The following CLASP1 variants were observed in gnomAD, a reference collection of about 807,000 sequenced individuals.
CLASP1 encodes the protein CLIP-associating protein 1.
CLASP1 carries 38 observed loss-of-function variants against 192.3 expected under a neutral mutation model. That is an observed-to-expected ratio of 0.20 (90% CI 0.15 to 0.26). The LOEUF (loss-of-function observed/expected upper bound fraction) is 0.26. Among genes scored for constraint, CLASP1 ranks in the 10% least tolerant of loss-of-function variants. The pLI, the probability that CLASP1 is intolerant of heterozygous loss-of-function variation, is 1.00. For synonymous variants in CLASP1, 691 were observed against 712.8 expected (o/e 0.97, Z 0.49); for missense variants, 1,433 against 1,932.5 (o/e 0.74, Z 4.85).
chr2:121,496,502 G>A (rs895166129), intron 8 of CLASP1, among the ~76,000 whole-genome samples: 1 of 152,142 alleles, frequency 6.6e-6, no homozygotes, highest in Non-Finnish European at 1.5e-5. Flanking sequence ...AAAAAGCAGA[G>A]AGAAAAAGAA....
intron 1 of CLASP1, among the ~76,000 whole-genome samples, chr2:121,616,925 A>G (rs1353290803): frequency 6.6e-6 from 1 of 152,236 alleles, no homozygotes; most frequent in Non-Finnish European, 1.5e-5. Flanking sequence ...TGCCTGAAAG[A>G]AGAAAGAGAC....
chr2:121,540,914 C>T (rs780363084), intron 2 of CLASP1, among the ~76,000 whole-genome samples: 10 of 152,036 alleles, frequency 6.6e-5, no homozygotes, highest in Non-Finnish European at 1.3e-4. Flanking sequence ...GTCCTGGTGG[C>T]GATGTCCTAA....
At chr2:121,604,362 C>T (rs6736113) in intron 2 of CLASP1, among the ~76,000 whole-genome samples, 29,196 of 152,120 alleles carry the variant, frequency 0.19, 5,050 homozygotes, top group African/African-American at 0.46. Context: ...AGAATTTTAG[C>T]CAGAGTTTAA....
At chr2:121,579,256 G>C (rs1356197149) in intron 2 of CLASP1, among the ~76,000 whole-genome samples, 1 of 152,156 alleles carries the variant, frequency 6.6e-6, no homozygotes, top group Non-Finnish European at 1.5e-5. Flanking sequence ...GGATCTGAAG[G>C]AGCTTTCTCA....
At chr2:121,427,071 A>G (rs1280686008) in intron 21 of CLASP1, among the ~76,000 whole-genome samples, 1 of 151,912 alleles carries the variant, frequency 6.6e-6, no homozygotes, top group Non-Finnish European at 1.5e-5. Context: ...CCATCATTCA[A>G]ATGAACCACG....
chr2:121,362,846 G>A (rs2066676514), intron 37 of CLASP1, among the ~76,000 whole-genome samples: 2 of 152,208 alleles, frequency 1.3e-5, no homozygotes, highest in Admixed American at 6.5e-5. Flanking sequence ...GACTACCAGA[G>A]GCTAAATGCC....
rs371200213 is a variant in CLASP1, at chr2:121,520,753, T to A, written c.547-4991A>T. ...TTTTCTTATCTAGTCAAGGGAATTC[T>A]TATTGTTAGGATGCCTCGGACCACT... On this transcript the variant is annotated intron_variant, in intron 6 of 39. Coordinates refer to ENST00000263710, the Ensembl canonical transcript of CLASP1. 4.0e-4 allele frequency among the ~76,000 whole-genome samples: 61 copies of A among 152,326 alleles called. 1 individual carries two copies. The South Asian group carries it at 0.012, about 30-fold the overall frequency.
intron 33 of CLASP1, among the ~76,000 whole-genome samples, chr2:121,381,964 G>A (rs1388217128): frequency 2.6e-5 from 4 of 152,110 alleles, no homozygotes; most frequent in South Asian, 2.1e-4. Context: ...AATAGGTGGT[G>A]ATGAATCTGA....
chr2:121,537,961 T>A (rs905755352), intron 2 of CLASP1, among the ~76,000 whole-genome samples: 4 of 152,204 alleles, frequency 2.6e-5, no homozygotes, highest in Non-Finnish European at 2.9e-5. Context: ...CTTAACTTCA[T>A]AAAGGATATA....
intron 6 of CLASP1, among the ~76,000 whole-genome samples, chr2:121,523,653 G>A (rs1175417578): frequency 2.0e-5 from 3 of 152,220 alleles, no homozygotes; most frequent in African/African-American, 7.2e-5. Flanking sequence ...TCTACACCGA[G>A]TCCATGATCT....
At chr2:121,381,934 T>C (rs898055861) in intron 33 of CLASP1, among the ~76,000 whole-genome samples, 1 of 152,170 alleles carries the variant, frequency 6.6e-6, no homozygotes, top group Non-Finnish European at 1.5e-5. Context: ...AGCACTGCAC[T>C]GTACAGAAAG....
At chr2:121,455,679 A>G (rs192423720) in intron 14 of CLASP1, among the ~76,000 whole-genome samples, 1 of 152,254 alleles carries the variant, frequency 6.6e-6, no homozygotes, top group Admixed American at 6.5e-5. Flanking sequence ...GGGCAACATG[A>G]TAAGACCTTA....
intron 2 of CLASP1, among the ~76,000 whole-genome samples, chr2:121,551,272 TC>T (rs1161149932): frequency 6.6e-6 from 1 of 152,000 alleles, no homozygotes; most frequent in Non-Finnish European, 1.5e-5. Context: ...CTAGAAGCAT[TC>T]CCCTTGAAAA....
chr2:121,511,481 G>A (rs1027938574), intron 7 of CLASP1, among the ~76,000 whole-genome samples: 3 of 151,918 alleles, frequency 2.0e-5, no homozygotes, highest in Non-Finnish European at 2.9e-5. Context: ...CCAGCTACTC[G>A]GGAGGCTGAG....
intron 6 of CLASP1, 87 bp downstream of exon 6, chr2:121,525,758 T>C: frequency 1.2e-6 from 1 of 851,532 alleles, no homozygotes; most frequent in Non-Finnish European, 2.0e-6. Flanking sequence ...AGATTAGGAC[T>C]CCAGTCCCAC....
intron 1 of CLASP1, among the ~76,000 whole-genome samples, chr2:121,621,196 C>T (rs554423229): frequency 6.6e-6 from 1 of 151,978 alleles, no homozygotes; most frequent in Non-Finnish European, 1.5e-5. Context: ...ACCCCAGCCT[C>T]AGCGACAGAG....
At chr2:121,367,818 C>A in exon 35 of CLASP1, 1 of 1,613,350 alleles carries the variant, frequency 6.2e-7, no homozygotes, top group Non-Finnish European at 8.5e-7. Context: ...GGCAGCGCCC[C>A]CATCGCGGGA....
intron 8 of CLASP1, among the ~76,000 whole-genome samples, chr2:121,472,456 AAAG>A (rs1274911394): frequency 2.6e-5 from 4 of 152,214 alleles, no homozygotes; most frequent in Non-Finnish European, 5.9e-5. Context: ...CCCTGCAAGA[AAAG>A]AAACAAACAA....
At chr2:121,429,149 T>G (rs2080944205) in intron 20 of CLASP1, among the ~76,000 whole-genome samples, 1 of 152,178 alleles carries the variant, frequency 6.6e-6, no homozygotes, top group Non-Finnish European at 1.5e-5. Flanking sequence ...GGGAAAAGAA[T>G]TTAAATTCAG....
Sources: allele counts gnomAD v4.1 joint callset (sites outside exome capture counted in the v4.1 genomes callset), GRCh38; gene constraint gnomAD v4.1.1; transcripts MANE v1.5; gene names NCBI Gene and HGNC (gene_info 2026-07-23, HGNC 2026-07-21).